The following MPRIP variants were observed in gnomAD, a reference collection of about 807,000 sequenced individuals.
MPRIP encodes myosin phosphatase Rho-interacting protein.
A neutral mutation model predicts 234.9 loss-of-function variants in MPRIP; 59 were observed. The ratio of observed to expected loss-of-function variants is 0.25; its 90% CI spans 0.20 to 0.31. MPRIP has a LOEUF of 0.31. Ranked by LOEUF, MPRIP falls within the 10% of genes least tolerant of loss-of-function variation. The pLI is 1.00. For synonymous variants in MPRIP, 1,144 were observed against 1,263.9 expected (o/e 0.91, Z 2.01); for missense variants, 2,436 against 3,071.0 (o/e 0.79, Z 4.89).
At chr17:17,157,561 A>C (rs989605701) in intron 13 of MPRIP, among the ~76,000 whole-genome samples, 1 of 152,214 alleles carries the variant, frequency 6.6e-6, no homozygotes, top group African/African-American at 2.4e-5. Context: ...CAGGCTGGGC[A>C]CAGTAGCTCA....
chr17:17,180,545 G>A, intron 23 of MPRIP: 1 of 1,480,482 alleles, frequency 6.8e-7, no homozygotes, highest in Non-Finnish European at 9.4e-7. Flanking sequence ...GCGGAGGTGG[G>A]AGCGGCACCG....
chr17:17,175,189 C>G, intron 19 of MPRIP, 104 bp from the exon 20 acceptor site: 1 of 1,542,850 alleles, frequency 6.5e-7, no homozygotes, highest in East Asian at 2.3e-5. Flanking sequence ...CTACGCAGTT[C>G]CACAGATACA....
At chr17:17,113,953 T>G (rs2349648) in intron 3 of MPRIP, among the ~76,000 whole-genome samples, 75,930 of 146,610 alleles carry the variant, frequency 0.52, 23,487 homozygotes, top group East Asian at 0.7. Context: ...AGTGCAGTGG[T>G]GCCATCACAG....
At position 17,133,037 on chromosome 17, in the gene MPRIP, C is replaced by A. The variant is rs200669855; in HGVS notation, c.504+1336C>A. On this transcript the variant is annotated intron_variant, in intron 5 of 23. Coordinates refer to ENST00000651222, the MANE Select transcript of MPRIP (RefSeq NM_001364716.4). ...ATAAGGTAACTCCAAGTGCAGAAGC[C>A]GCTCTCAGCCCAGTCCAGGGAACTT... 7.9e-5 allele frequency among the ~76,000 whole-genome samples: 12 copies of A among 152,282 alleles called. No homozygotes were observed. The East Asian group carries it at 2.3e-3, about 29-fold the overall frequency.
rs535317871 is a variant in MPRIP at position 17,143,590 on chromosome 17, C to T, written c.1424C>T (p.Pro475Leu). 5 of 1,603,966 alleles carry T rather than the reference C, an allele frequency of 3.1e-6. No homozygotes were observed. The highest frequency in any genetic ancestry group is 3.4e-6 in the Non-Finnish European group (4 of 1,175,566). The change falls in exon 9 of 24, where the codon CCA (proline) becomes CTA (leucine). Residue 475 changes from proline (P) to leucine (L), a missense_variant. Pro to Leu is a moderately conservative substitution (Grantham distance 98). Coordinates refer to ENST00000651222, the MANE Select transcript of MPRIP (RefSeq NM_001364716.4). ...AATGAAGCCCCCCCAGCTCCTCTCC[C>T]AGACGCCTCGGCTTCCCCCCTGTCT... ...FTNEAPPAPL[P>L]DASASPLSPH...
intron 3 of MPRIP, among the ~76,000 whole-genome samples, chr17:17,107,711 G>A (rs115663386): frequency 6.4e-4 from 98 of 152,334 alleles, no homozygotes; most frequent in African/African-American, 2.3e-3. Flanking sequence ...TCTGATGGCG[G>A]GGGAAACCCA....
In MPRIP at chr17:17,172,738, G is replaced by A. The variant is rs376808029; in HGVS notation, c.6513G>A (p.Glu2171=). The A allele has an allele frequency of 3.2e-5, 51 of 1,611,912 alleles. No individual in the cohort carries two copies. Among genetic ancestry groups the A allele is most frequent in the Admixed American group, 8.3e-5 (5 of 60,008 alleles). The change falls in exon 18 of 24, where the codon GAG becomes GAA. Residue 2171 remains glutamate (E), a synonymous_variant. Coordinates refer to ENST00000651222, the MANE Select transcript of MPRIP (RefSeq NM_001364716.4). Reference sequence around the variant, plus strand: ...AGAACGCCCACCGGGAGGAAATGGAGCGGGAGCTGGAGAAGAGCCAGCGGT... The same window carrying A: ...AGAACGCCCACCGGGAGGAAATGGAACGGGAGCTGGAGAAGAGCCAGCGGT... ...AMKNAHREEM[E]RELEKSQRSQ...
intron 1 of MPRIP, among the ~76,000 whole-genome samples, chr17:17,046,261 T>G (rs915384167): frequency 8.5e-5 from 13 of 152,206 alleles, no homozygotes; most frequent in Non-Finnish European, 1.9e-4. Context: ...CCTTTAGGAG[T>G]GTACTATAAT....
chr17:17,056,844 A>G (rs2143891525), intron 1 of MPRIP, among the ~76,000 whole-genome samples: 1 of 152,200 alleles, frequency 6.6e-6, no homozygotes, highest in East Asian at 1.9e-4. Flanking sequence ...CCTATTCTGG[A>G]AATTTCATCA....
At chr17:17,125,316 T>A (rs905793478) in intron 3 of MPRIP, among the ~76,000 whole-genome samples, 3 of 152,158 alleles carry the variant, frequency 2.0e-5, no homozygotes, top group Non-Finnish European at 4.4e-5. Context: ...CCAGCCTCCA[T>A]CCCACCTGCT....
intron 3 of MPRIP, among the ~76,000 whole-genome samples, chr17:17,100,426 G>T (rs1426996104): frequency 6.6e-6 from 1 of 152,126 alleles, no homozygotes; most frequent in Non-Finnish European, 1.5e-5. Flanking sequence ...GAAAATACAT[G>T]AATTGGTGTG....
In MPRIP at chr17:17,192,141, C is replaced by T. The variant is rs372049656; in HGVS notation, c.*7247C>T. On this transcript the variant is annotated 3_prime_UTR_variant, in exon 24 of 24. Coordinates refer to ENST00000651222, the MANE Select transcript of MPRIP (RefSeq NM_001364716.4). ...GTGGAAATGCTTCAGTCACCTCTGCCGCAGCTTGTGATTCCAGCAGTTCTC... is the reference window on the plus strand; with the variant it reads ...GTGGAAATGCTTCAGTCACCTCTGCTGCAGCTTGTGATTCCAGCAGTTCTC... The T allele has an allele frequency of 4.6e-5, 7 of 152,282 alleles. No individual in the cohort carries two copies. The East Asian group carries it at 1.3e-3, about 29-fold the overall frequency. 9.4% of individuals were successfully genotyped at this position (152,282 alleles called of 1,614,324 possible).
rs2045996672 is a variant in MPRIP at position 17,166,357 on chromosome 17, A to ATCC, written c.4767_4768insCCT (p.Asp1589_Val1590insPro). On this transcript the variant is annotated inframe_insertion, in exon 16 of 24. Coordinates refer to ENST00000651222, the MANE Select transcript of MPRIP (RefSeq NM_001364716.4). The surrounding 1 kb of genome is among the most constrained non-coding windows in gnomAD (Gnocchi z 4.4). ...GATTCCCTGAAGAACACAACATCAG[A>ATCC]TGTCTCCCGAATGCTCCATGAGATT... 3.8e-6 allele frequency: 5 copies of ATCC among 1,304,560 alleles called. No homozygotes were observed. The highest frequency in any genetic ancestry group is 5.1e-6 in the Non-Finnish European group (5 of 989,018). 80.8% of individuals were successfully genotyped at this position (1,304,560 alleles called of 1,614,324 possible).
intron 23 of MPRIP, 40 bp downstream of exon 23, chr17:17,180,128 G>C (rs1352053951): frequency 1.4e-6 from 2 of 1,467,932 alleles, no homozygotes; most frequent in Non-Finnish European, 1.9e-6. Flanking sequence ...AGGGGCTTGA[G>C]GGACACTGGG....
At chr17:17,058,315 G>A (rs1597726696) in intron 1 of MPRIP, among the ~76,000 whole-genome samples, 1 of 150,566 alleles carries the variant, frequency 6.6e-6, no homozygotes, top group African/African-American at 2.4e-5. Flanking sequence ...CCAGGGAGGG[G>A]ATCTAAGACT....
At chr17:17,092,948 CACTT>C (rs1200549331) in intron 3 of MPRIP, among the ~76,000 whole-genome samples, 1 of 152,192 alleles carries the variant, frequency 6.6e-6, no homozygotes, top group African/African-American at 2.4e-5. Context: ...TTTGTTCTGT[CACTT>C]ACCAGCCATT....
At chr17:17,180,400 GTGT>G (rs1329392965) in intron 23 of MPRIP, among the ~76,000 whole-genome samples, 2 of 152,254 alleles carry the variant, frequency 1.3e-5, no homozygotes, top group Non-Finnish European at 2.9e-5. Flanking sequence ...AGCTGTGCCT[GTGT>G]TGTTCCTTGC....
At position 17,166,393 on chromosome 17, in the gene MPRIP, G is replaced by A; in HGVS notation, c.4802G>A (p.Gly1601Glu). Reference sequence around the variant, plus strand: ...ATGCTCCATGAGATTTCTTGGTCAGGACAGCCACCGATGGAATCTGCTGGG... The same window carrying A: ...ATGCTCCATGAGATTTCTTGGTCAGAACAGCCACCGATGGAATCTGCTGGG... Reference protein sequence around the residue: ...SRMLHEISWSGQPPMESAGAP... With the variant: ...SRMLHEISWSEQPPMESAGAP... Residue 1601 changes from glycine (G) to glutamate (E), a missense_variant, in exon 16 of 24, where the codon GGA (glycine) becomes GAA (glutamate). This residue lies in a region of MPRIP where 1,998 missense variants were observed against 2,520.3 expected (regional missense o/e 0.79). Transcript: ENST00000651222. This position sits in a 1 kb window ranked among gnomAD's most constrained non-coding sequence, Gnocchi z 4.4. 7.7e-7 allele frequency: 1 copy of A among 1,304,458 alleles called. No homozygotes were observed. The highest frequency in any genetic ancestry group is 1.0e-6 in the Non-Finnish European group (1 of 989,008). The allele number at this position is 1,304,458 out of a possible 1,614,324, so 80.8% of individuals were successfully genotyped here.
Position 17,184,862 on chromosome 17 carries a change from C to A in MPRIP, c.7246C>A (p.Leu2416Ile). ...CCTGACGGTGCAAGAACGGTTGAAG[C>A]TCTTTGAATCCAGGGACTTGAAGAA... is the stretch of plus-strand genomic sequence containing the variant. ...EGLTVQERLK[L>I]FESRDLKKD The change falls in exon 24 of 24, where the codon CTC becomes ATC. Residue 2416 changes from leucine to isoleucine, a missense_variant. Physicochemically the swap from Leu to Ile is conservative, Grantham distance 5. This residue lies in a region of MPRIP where 1,998 missense variants were observed against 2,520.3 expected (regional missense o/e 0.79). Transcript: ENST00000651222. 3 of 1,613,048 alleles carry A rather than the reference C, an allele frequency of 1.9e-6. No individual in the cohort carries two copies. Among genetic ancestry groups the A allele is most frequent in the Non-Finnish European group, 2.5e-6 (3 of 1,179,528 alleles).
Sources: allele counts gnomAD v4.1 joint callset (sites outside exome capture counted in the v4.1 genomes callset), GRCh38; gene constraint gnomAD v4.1.1; regional missense constraint gnomAD v4.1.1; non-coding constraint Gnocchi (gnomAD v3.1); transcripts MANE v1.5; gene names NCBI Gene and HGNC (gene_info 2026-07-23, HGNC 2026-07-21).